PDE7B: variants seen among roughly 807,000 people sequenced by gnomAD.
The protein encoded by PDE7B is 3',5'-cyclic-AMP phosphodiesterase 7B.
In PDE7B, 29 loss-of-function variants were observed where a neutral mutation model predicts 56.2. The observed-to-expected ratio is 0.52, with a 90% CI of 0.38 to 0.70. The LOEUF is 0.70. PDE7B is among the 30% of genes least tolerant of loss of function. The pLI is 0.00. For synonymous variants in PDE7B, 197 were observed against 196.9 expected (o/e 1.00, Z 0.00); for missense variants, 490 against 565.0 (o/e 0.87, Z 1.35).
In PDE7B at chr6:136,008,365, G is replaced by T. The variant is rs557523729; in HGVS notation, c.82+60841G>T. Among the ~76,000 whole-genome samples, 218 of 152,192 alleles carry T rather than the reference G, an allele frequency of 1.4e-3. 2 individuals are homozygous for T. Among genetic ancestry groups the T allele is most frequent in the African/African-American group, 4.7e-3 (196 of 41,516 alleles). Reference sequence around the variant, plus strand: ...TATATACCCAGTAATGGGATTGCTGGGTCAAATGGTATTTCTAGTTCTAGA... The same window carrying T: ...TATATACCCAGTAATGGGATTGCTGTGTCAAATGGTATTTCTAGTTCTAGA... On this transcript the variant is annotated intron_variant, in intron 2 of 12. Coordinates refer to ENST00000308191, the MANE Select transcript of PDE7B (RefSeq NM_018945.4).
At chr6:135,865,022 T>C (rs1775227632) in intron 1 of PDE7B, among the ~76,000 whole-genome samples, 1 of 147,092 alleles carries the variant, frequency 6.8e-6, no homozygotes, top group Non-Finnish European at 1.5e-5. Context: ...TTCCCACCTG[T>C]GAGTGAGAAC....
intron 3 of PDE7B, among the ~76,000 whole-genome samples, chr6:136,124,561 T>C (rs1777990313): frequency 6.6e-6 from 1 of 152,236 alleles, no homozygotes; most frequent in Non-Finnish European, 1.5e-5. Context: ...TGGAGAGTAA[T>C]GCTGTGCCCT....
At position 136,191,679 on chromosome 6, in the gene PDE7B, C is replaced by T; in HGVS notation, c.1192C>T (p.Leu398=). 1.2e-6 allele frequency: 2 copies of T among 1,614,050 alleles called. No individual in the cohort carries two copies. The highest frequency in any genetic ancestry group is 1.7e-6 in the Non-Finnish European group (2 of 1,179,952). Residue 398 remains leucine (L), a synonymous_variant, in exon 13 of 13, where the codon CTG becomes TTG. Transcript: ENST00000308191. ...EWAHFTGNST[L]SENMLGHLAH... Reference sequence around the variant, plus strand: ...GGCCCATTTCACGGGTAACAGCACCCTGTCGGAGAACATGCTGGGCCACCT... The same window carrying T: ...GGCCCATTTCACGGGTAACAGCACCTTGTCGGAGAACATGCTGGGCCACCT...
At chr6:135,936,326 T>G (rs1774419716) in intron 1 of PDE7B, among the ~76,000 whole-genome samples, 3 of 152,158 alleles carry the variant, frequency 2.0e-5, no homozygotes, top group African/African-American at 4.8e-5. Flanking sequence ...TCTGGAGATA[T>G]TGCTGATATT....
chr6:136,160,546 A>C (rs950838990), intron 8 of PDE7B, among the ~76,000 whole-genome samples: 2 of 152,160 alleles, frequency 1.3e-5, no homozygotes, highest in African/African-American at 4.8e-5. Flanking sequence ...AGGGCACACC[A>C]GCATCATCCT....
At chr6:136,007,674 C>G (rs899833489) in intron 2 of PDE7B, among the ~76,000 whole-genome samples, 2 of 150,118 alleles carry the variant, frequency 1.3e-5, no homozygotes, top group Non-Finnish European at 3.0e-5. Context: ...AAAAGAAAAT[C>G]AATTTCTTCC....
intron 3 of PDE7B, among the ~76,000 whole-genome samples, chr6:136,142,896 C>T (rs1583905347): frequency 2.0e-5 from 3 of 152,098 alleles, no homozygotes; most frequent in African/African-American, 7.2e-5. Flanking sequence ...GGTCTTGACT[C>T]TTTATCCAAT....
chr6:136,108,660 G>C (rs1305750396), intron 2 of PDE7B, 71 bp from the exon 3 acceptor site: 1 of 999,072 alleles, frequency 1.0e-6, no homozygotes, highest in Non-Finnish European at 1.6e-6. Flanking sequence ...GTTTCATTGA[G>C]GATTTACAGG....
intron 8 of PDE7B, among the ~76,000 whole-genome samples, chr6:136,161,546 A>G (rs1207747350): frequency 6.6e-6 from 1 of 152,238 alleles, no homozygotes; most frequent in Non-Finnish European, 1.5e-5. Flanking sequence ...GCAAGCTGAT[A>G]CATGTTATTT....
intron 8 of PDE7B, among the ~76,000 whole-genome samples, chr6:136,156,260 G>T (rs1778603542): frequency 6.6e-6 from 1 of 150,472 alleles, no homozygotes. Flanking sequence ...TGCAATCATA[G>T]CTCACTGCAG....
At chr6:136,105,515 G>C (rs1440431387) in intron 2 of PDE7B, among the ~76,000 whole-genome samples, 1 of 152,186 alleles carries the variant, frequency 6.6e-6, no homozygotes, top group Non-Finnish European at 1.5e-5. Context: ...ACTTTGGGTT[G>C]TTGGGTTGAT....
At chr6:136,091,653 C>T (rs527778038) in intron 2 of PDE7B, among the ~76,000 whole-genome samples, 110 of 152,234 alleles carry the variant, frequency 7.2e-4, no homozygotes, top group African/African-American at 2.4e-3. Flanking sequence ...ATAGGATAAG[C>T]GATGCTTGAG....
intron 2 of PDE7B, among the ~76,000 whole-genome samples, chr6:136,055,549 C>T (rs556964089): frequency 6.6e-6 from 1 of 152,258 alleles, no homozygotes; most frequent in South Asian, 2.1e-4. Context: ...ACACACTTTG[C>T]CCAACATTCT....
intron 3 of PDE7B, among the ~76,000 whole-genome samples, chr6:136,145,041 A>G (rs1778391405): frequency 6.6e-6 from 1 of 152,036 alleles, no homozygotes; most frequent in Non-Finnish European, 1.5e-5. Flanking sequence ...TTAAACTTTC[A>G]TTTAATAATT....
At position 136,008,443 on chromosome 6, in the gene PDE7B, C is replaced by A. The variant is rs564855461; in HGVS notation, c.82+60919C>A. 3.7e-3 allele frequency among the ~76,000 whole-genome samples: 565 copies of A among 152,298 alleles called. 2 individuals carry two copies. The highest frequency in any genetic ancestry group is 0.013 in the African/African-American group (541 of 41,550). On this transcript the variant is annotated intron_variant, in intron 2 of 12. Coordinates refer to ENST00000308191, the MANE Select transcript of PDE7B (RefSeq NM_018945.4). ...CACAATGGTTGAACTAGTGTAGAGT[C>A]CCACCAACAGTGTAAAAGTGTTCCT... is the stretch of plus-strand genomic sequence containing the variant.
At chr6:136,083,972 A>G (rs149355873) in intron 2 of PDE7B, among the ~76,000 whole-genome samples, 7 of 152,324 alleles carry the variant, frequency 4.6e-5, no homozygotes, top group Non-Finnish European at 1.0e-4. Context: ...AAATTTGCTT[A>G]TAAAGACTTG....
intron 1 of PDE7B, among the ~76,000 whole-genome samples, chr6:135,935,962 C>A (rs570779987): frequency 6.6e-6 from 1 of 152,244 alleles, no homozygotes; most frequent in East Asian, 1.9e-4. Context: ...GGATCTTTGA[C>A]CTCACAAGTA....
intron 8 of PDE7B, among the ~76,000 whole-genome samples, chr6:136,171,599 A>T (rs1778882735): frequency 6.6e-6 from 1 of 152,140 alleles, no homozygotes; most frequent in Admixed American, 6.5e-5. Flanking sequence ...GACTATAGTG[A>T]CATGGTATCC....
intron 1 of PDE7B, among the ~76,000 whole-genome samples, chr6:135,871,797 A>G (rs779172686): frequency 3.0e-4 from 45 of 151,856 alleles, no homozygotes; most frequent in Non-Finnish European, 5.9e-5. Context: ...ACACACACAC[A>G]TATAATATAC....
Sources: allele counts gnomAD v4.1 joint callset (sites outside exome capture counted in the v4.1 genomes callset), GRCh38; gene constraint gnomAD v4.1.1; transcripts MANE v1.5; gene names NCBI Gene and HGNC (gene_info 2026-07-23, HGNC 2026-07-21).